Variants in TTC27 observed in about 807,000 individuals in gnomAD.
TTC27 encodes tetratricopeptide repeat protein 27.
A neutral mutation model predicts 115.9 loss-of-function variants in TTC27; 79 were observed. The observed-to-expected ratio is 0.68, with a 90% CI of 0.57 to 0.82. The LOEUF is 0.82. TTC27 is among the 40% of genes least tolerant of loss of function. The pLI is 0.00. For missense variants in TTC27, 1,054 were observed against 993.1 expected, an observed-to-expected ratio of 1.06 and a Z score of -0.82; for synonymous variants, 401 against 356.0, an observed-to-expected ratio of 1.13 and a Z score of -1.42.
intron 12 of TTC27, among the ~76,000 whole-genome samples, chr2:32,755,653 C>T (rs185097302): frequency 1.4e-3 from 133 of 95,420 alleles, no homozygotes; most frequent in Admixed American, 4.1e-3. Flanking sequence ...GAGAGGGAGC[C>T]GGAGCCATTC....
intron 5 of TTC27, among the ~76,000 whole-genome samples, chr2:32,660,752 T>C (rs1157041277): frequency 6.6e-6 from 1 of 152,200 alleles, no homozygotes; most frequent in Non-Finnish European, 1.5e-5. Flanking sequence ...TCTTTTGCTA[T>C]ACAGAAGCTC....
At chr2:32,636,883 T>C (rs2568465) in intron 3 of TTC27, among the ~76,000 whole-genome samples, 97,164 of 151,976 alleles carry the variant, frequency 0.64, 31,324 homozygotes, top group Non-Finnish European at 0.68. Flanking sequence ...AAAATATCCA[T>C]TCTAGGTGCA....
At chr2:32,725,115 A>G (rs778535652) in intron 10 of TTC27, among the ~76,000 whole-genome samples, 48 of 152,296 alleles carry the variant, frequency 3.2e-4, no homozygotes, top group Middle Eastern at 6.8e-3. Context: ...CTCCCACAAC[A>G]TGTGGGAATT....
intron 16 of TTC27, among the ~76,000 whole-genome samples, chr2:32,792,538 C>G (rs1000917893): frequency 2.6e-5 from 4 of 152,012 alleles, no homozygotes; most frequent in Admixed American, 1.3e-4. Flanking sequence ...GCTAAACTGC[C>G]TATCTCTCTC....
intron 10 of TTC27, among the ~76,000 whole-genome samples, chr2:32,708,791 G>A (rs1335281176): frequency 6.6e-6 from 1 of 151,978 alleles, no homozygotes; most frequent in Non-Finnish European, 1.5e-5. Flanking sequence ...TGAGGAAGGG[G>A]CTTTCTCCTG....
chr2:32,714,209 AGTGCAGTG>A (rs1439982593), intron 10 of TTC27, among the ~76,000 whole-genome samples: 34 of 132,536 alleles, frequency 2.6e-4, no homozygotes, highest in Admixed American at 2.0e-3. Context: ...CCCAGGCTGG[AGTGCAGTG>A]GTACCATCTC....
At chr2:32,692,497 C>T (rs1024761884) in intron 9 of TTC27, among the ~76,000 whole-genome samples, 1 of 151,992 alleles carries the variant, frequency 6.6e-6, no homozygotes, top group Admixed American at 6.6e-5. Context: ...GGTTGTACAA[C>T]AATGTGAATG....
chr2:32,781,612 T>TA (rs879620311), intron 14 of TTC27, among the ~76,000 whole-genome samples: 1,492 of 148,056 alleles, frequency 0.01, 10 homozygotes, highest in African/African-American at 0.018. Flanking sequence ...CATAACTCTT[T>TA]AAAAAAAAAA....
chr2:32,680,284 ATAT>A lies in TTC27; in HGVS notation c.1119+1366_1119+1368del, dbSNP rs747353493. ...AAATTTTAAAGGGCATATAAAAAAC[ATAT>A]TATGTACTTTTCATTTATTCATTCA... On this transcript the variant is annotated intron_variant, in intron 9 of 19. Coordinates refer to ENST00000317907, the MANE Select transcript of TTC27 (RefSeq NM_017735.5). Among the ~76,000 whole-genome samples the A allele has an allele frequency of 1.1e-3, 170 of 152,352 alleles. 1 individual carries two copies. In the East Asian group the frequency reaches 0.029, roughly 26 times the overall value.
At chr2:32,724,288 C>T (rs557690807) in intron 10 of TTC27, among the ~76,000 whole-genome samples, 4 of 152,016 alleles carry the variant, frequency 2.6e-5, no homozygotes, top group Non-Finnish European at 5.9e-5. Flanking sequence ...TCAGAGTGTC[C>T]ATAGGTCAAA....
At chr2:32,787,669 G>A (rs1461019617) in intron 16 of TTC27, among the ~76,000 whole-genome samples, 1 of 152,124 alleles carries the variant, frequency 6.6e-6, no homozygotes, top group Non-Finnish European at 1.5e-5. Context: ...CAAAGCTGTT[G>A]TGTCATCCAA....
At chr2:32,727,976 G>A (rs370706294) in intron 10 of TTC27, among the ~76,000 whole-genome samples, 2 of 151,378 alleles carry the variant, frequency 1.3e-5, no homozygotes, top group Non-Finnish European at 2.9e-5. Flanking sequence ...CTCACCCAAA[G>A]TGTGACTGAT....
chr2:32,812,331 G>A (rs116742953), intron 17 of TTC27, among the ~76,000 whole-genome samples, 173 bp from the exon 18 acceptor site: 1,813 of 152,280 alleles, frequency 0.012, 34 homozygotes, highest in African/African-American at 0.041. Flanking sequence ...ACGGCTTGTT[G>A]CCGTTGGGTG....
At chr2:32,726,182 G>A (rs1244942896) in intron 10 of TTC27, among the ~76,000 whole-genome samples, 2 of 152,152 alleles carry the variant, frequency 1.3e-5, no homozygotes, top group African/African-American at 2.4e-5. Flanking sequence ...ATTGTCTTGG[G>A]GATTAACATT....
At chr2:32,676,003 G>A (rs1666185876) in intron 8 of TTC27, among the ~76,000 whole-genome samples, 1 of 152,038 alleles carries the variant, frequency 6.6e-6, no homozygotes, top group African/African-American at 2.4e-5. Context: ...TGTTGGCCAA[G>A]CTGGTCTCGA....
chr2:32,820,676 C>A, intron 19 of TTC27, 140 bp from the exon 20 acceptor site: 2 of 704,594 alleles, frequency 2.8e-6, no homozygotes, highest in Non-Finnish European at 3.9e-6. Context: ...GGCTAGTGAA[C>A]AGAAAAAAAT....
intron 10 of TTC27, among the ~76,000 whole-genome samples, chr2:32,725,536 G>T (rs1220901199): frequency 6.6e-6 from 1 of 152,212 alleles, no homozygotes; most frequent in Non-Finnish European, 1.5e-5. Context: ...CCTAATGGAA[G>T]AGGTGGGTTC....
intron 7 of TTC27, among the ~76,000 whole-genome samples, chr2:32,667,408 C>T (rs1007573908): frequency 1.3e-5 from 2 of 150,206 alleles, no homozygotes; most frequent in African/African-American, 2.4e-5. Context: ...CAGAAACCCC[C>T]AACTACTTTT....
chr2:32,673,384 C>A (rs555731289), intron 8 of TTC27, among the ~76,000 whole-genome samples: 1 of 151,996 alleles, frequency 6.6e-6, no homozygotes, highest in Non-Finnish European at 1.5e-5. Context: ...ACCACCATGC[C>A]CGGCTAATTT....
Sources: allele counts gnomAD v4.1 joint callset (sites outside exome capture counted in the v4.1 genomes callset), GRCh38; gene constraint gnomAD v4.1.1; transcripts MANE v1.5; gene names NCBI Gene and HGNC (gene_info 2026-07-23, HGNC 2026-07-21).